The following KCTD16 variants were observed in gnomAD, a reference collection of about 807,000 sequenced individuals.
KCTD16 encodes potassium channel tetramerization domain containing 16, also known as BTB/POZ domain-containing protein KCTD16.
A neutral mutation model predicts 33.2 loss-of-function variants in KCTD16; 13 were observed. The ratio of observed to expected loss-of-function variants is 0.39; its 90% CI spans 0.25 to 0.62. The LOEUF is 0.62. Ranked by LOEUF, KCTD16 falls within the 20% of genes least tolerant of loss-of-function variation. The pLI is 0.50. For synonymous variants in KCTD16, 197 were observed against 195.3 expected (o/e 1.01, Z -0.07); for missense variants, 441 against 525.1 (o/e 0.84, Z 1.57).
intron 2 of KCTD16, among the ~76,000 whole-genome samples, chr5:144,182,231 T>A (rs1289988941): frequency 6.6e-6 from 1 of 152,294 alleles, no homozygotes; most frequent in East Asian, 1.9e-4. Flanking sequence ...GTGTGGTCAC[T>A]TCCCCCCTTC....
chr5:144,304,320 A>C (rs898968686), intron 3 of KCTD16, among the ~76,000 whole-genome samples: 2 of 152,224 alleles, frequency 1.3e-5, no homozygotes, highest in Non-Finnish European at 2.9e-5. Context: ...ACATAGCAGC[A>C]ATAAGTCATC....
chr5:144,386,482 A>G (rs1752326887), intron 3 of KCTD16, among the ~76,000 whole-genome samples: 1 of 152,200 alleles, frequency 6.6e-6, no homozygotes, highest in African/African-American at 2.4e-5. Context: ...CTATGGTCAC[A>G]TTTGTTCTCT....
At chr5:144,235,132 A>G (rs1754213121) in intron 3 of KCTD16, among the ~76,000 whole-genome samples, 1 of 152,182 alleles carries the variant, frequency 6.6e-6, no homozygotes, top group Non-Finnish European at 1.5e-5. Flanking sequence ...TTCTCAGCTT[A>G]TGCTTTTAGG....
chr5:144,443,789 A>AT (rs1753762271), intron 3 of KCTD16, among the ~76,000 whole-genome samples: 1 of 151,916 alleles, frequency 6.6e-6, no homozygotes, highest in Non-Finnish European at 1.5e-5. Flanking sequence ...AGTCTTTTTT[A>AT]TTTTTTGAGG....
intron 3 of KCTD16, among the ~76,000 whole-genome samples, chr5:144,429,169 TC>T (rs1753400406): frequency 6.6e-6 from 1 of 152,030 alleles, no homozygotes. Flanking sequence ...TGAAGAAAAA[TC>T]CCTCAGTAAA....
chr5:144,207,204 G>C lies in KCTD16; in HGVS notation c.490G>C (p.Gly164Arg). 6.2e-7 allele frequency: 1 copy of C among 1,613,660 alleles called. No homozygotes were observed. Among genetic ancestry groups the C allele is most frequent in the Non-Finnish European group, 8.5e-7 (1 of 1,179,784 alleles). Reference protein sequence around the residue: ...SSLLPADRKWGFITVGYRGSC... With the variant: ...SSLLPADRKWRFITVGYRGSC... ...CCTGCTCCCTGCCGACCGCAAGTGG[G>C]GTTTCATTACTGTGGGTTACAGAGG... The change falls in exon 3 of 4, where the codon GGT becomes CGT. Residue 164 changes from glycine (G) to arginine (R), a missense_variant. Gly to Arg is a moderately radical substitution (Grantham distance 125, BLOSUM62 -2). Coordinates refer to ENST00000512467, the MANE Select transcript of KCTD16 (RefSeq NM_020768.4).
chr5:144,474,128 G>T lies in KCTD16; in HGVS notation c.*14G>T. On this transcript the variant is annotated 3_prime_UTR_variant, in exon 4 of 4. Transcript: ENST00000512467. ...TATCATCTATAAGGGAGGGCTGGGGGCGGGAAAAGAAAAAAAAAAGTCATT... is the reference window on the plus strand; with the variant it reads ...TATCATCTATAAGGGAGGGCTGGGGTCGGGAAAAGAAAAAAAAAAGTCATT... 1 of 1,539,248 alleles carries T rather than the reference G, an allele frequency of 6.5e-7. No homozygotes were observed. Among genetic ancestry groups the T allele is most frequent in the Non-Finnish European group, 8.8e-7 (1 of 1,140,720 alleles).
At chr5:144,427,477 A>G (rs1001664620) in intron 3 of KCTD16, among the ~76,000 whole-genome samples, 1 of 152,126 alleles carries the variant, frequency 6.6e-6, no homozygotes, top group African/African-American at 2.4e-5. Flanking sequence ...ACTCTCCTCA[A>G]ATGGTTTCTC....
chr5:144,210,985 G>A (rs943911435), intron 3 of KCTD16, among the ~76,000 whole-genome samples: 1 of 152,124 alleles, frequency 6.6e-6, no homozygotes, highest in African/African-American at 2.4e-5. Context: ...CAGACACACT[G>A]ATTCATCATC....
intron 3 of KCTD16, among the ~76,000 whole-genome samples, chr5:144,413,717 G>C (rs1459599502): frequency 1.3e-5 from 2 of 152,138 alleles, no homozygotes; most frequent in Non-Finnish European, 2.9e-5. Context: ...TATCTCCGTG[G>C]TCAGGATGGA....
intron 3 of KCTD16, among the ~76,000 whole-genome samples, chr5:144,234,456 A>G (rs1311772795): frequency 2.0e-5 from 3 of 152,138 alleles, no homozygotes; most frequent in South Asian, 2.1e-4. Flanking sequence ...AGGTGATATC[A>G]GAGGTGTTGA....
At chr5:144,443,599 T>C (rs1753759376) in intron 3 of KCTD16, among the ~76,000 whole-genome samples, 1 of 152,088 alleles carries the variant, frequency 6.6e-6, no homozygotes, top group Admixed American at 6.6e-5. Context: ...TTACTGATTT[T>C]CAAGATGATG....
intron 3 of KCTD16, among the ~76,000 whole-genome samples, chr5:144,327,436 C>T (rs1404862552): frequency 1.3e-5 from 2 of 152,106 alleles, no homozygotes; most frequent in East Asian, 3.8e-4. Flanking sequence ...CCTATCTCTT[C>T]CCATTAGAAT....
chr5:144,474,175 G>A lies in KCTD16; in HGVS notation c.*61G>A. ...CATTTTGAAATTAACCTCCTAAAAG[G>A]AATTCATATTTTAAAGGAAAAAAAT... On this transcript the variant is annotated 3_prime_UTR_variant, in exon 4 of 4. Coordinates refer to ENST00000512467, the MANE Select transcript of KCTD16 (RefSeq NM_020768.4). 1 of 1,315,660 alleles carries A rather than the reference G, an allele frequency of 7.6e-7. No individual in the cohort carries two copies. Among genetic ancestry groups the A allele is most frequent in the South Asian group, 1.4e-5 (1 of 69,916 alleles). 81.5% of individuals were successfully genotyped at this position (1,315,660 alleles called of 1,614,324 possible).
At chr5:144,397,666 C>T (rs544340684) in intron 3 of KCTD16, among the ~76,000 whole-genome samples, 68 of 152,266 alleles carry the variant, frequency 4.5e-4, no homozygotes, top group African/African-American at 1.6e-3. Flanking sequence ...ATTTGCATTT[C>T]TCTGATGGCC....
intron 3 of KCTD16, among the ~76,000 whole-genome samples, chr5:144,470,264 G>A (rs962237056): frequency 6.6e-6 from 1 of 152,168 alleles, no homozygotes; most frequent in Non-Finnish European, 1.5e-5. Flanking sequence ...CAAGGTCAAA[G>A]GGGTCTGGAG....
chr5:144,450,013 C>T (rs529814929), intron 3 of KCTD16, among the ~76,000 whole-genome samples: 47 of 151,824 alleles, frequency 3.1e-4, no homozygotes, highest in Non-Finnish European at 6.2e-4. Context: ...AAAAGGCAAC[C>T]TAAAAATGAG....
chr5:144,330,706 C>A (rs750833033), intron 3 of KCTD16, among the ~76,000 whole-genome samples: 8 of 152,030 alleles, frequency 5.3e-5, no homozygotes, highest in African/African-American at 1.9e-4. Context: ...CCAATAGCCT[C>A]TTATGGTATA....
At chr5:144,268,865 A>G (rs1001800849) in intron 3 of KCTD16, among the ~76,000 whole-genome samples, 4 of 152,294 alleles carry the variant, frequency 2.6e-5, no homozygotes, top group African/African-American at 9.6e-5. Context: ...CAATGTATGA[A>G]CAAAATGAAA....
Sources: gnomAD v4.1 joint callset for allele counts (sites outside exome capture counted in the v4.1 genomes callset) on GRCh38, gnomAD v4.1.1 for gene constraint, MANE v1.5 for transcripts, NCBI Gene and HGNC (gene_info 2026-07-23, HGNC 2026-07-21) for gene names.